MYZAP: variants seen among roughly 807,000 people sequenced by gnomAD.
The protein encoded by MYZAP is GRINL1A complex locus upstream.
In MYZAP, 66 loss-of-function variants were observed where a neutral mutation model predicts 69.4. The observed-to-expected ratio is 0.95, with a 90% CI of 0.78 to 1.17. The LOEUF is 1.17. Among genes scored for constraint, MYZAP ranks in the 50% most tolerant of loss-of-function variants. The pLI, the probability that MYZAP is intolerant of heterozygous loss-of-function variation, is 0.00. For missense variants in MYZAP, 611 were observed against 556.2 expected (o/e 1.10, Z -0.99); for synonymous variants, 256 against 205.9 (o/e 1.24, Z -2.09).
In MYZAP at chr15:57,634,864, G is replaced by T. The variant is rs567042918; in HGVS notation, c.933+1123G>T. Reference sequence around the variant, plus strand: ...ATTGGCTTAGTCAGGACTAACATTAGTATTGACCAGAGGGGGTGGTGGTGA... The same window carrying T: ...ATTGGCTTAGTCAGGACTAACATTATTATTGACCAGAGGGGGTGGTGGTGA... On this transcript the variant is annotated intron_variant, in intron 8 of 12. Transcript: ENST00000267853. 2.0e-5 allele frequency among the ~76,000 whole-genome samples: 3 copies of T among 152,332 alleles called. No homozygotes were observed. In the East Asian group the frequency reaches 5.8e-4, roughly 29 times the overall value.
chr15:57,624,828 C>G (rs770134402), intron 4 of MYZAP, among the ~76,000 whole-genome samples: 1 of 152,190 alleles, frequency 6.6e-6, no homozygotes, highest in Non-Finnish European at 1.5e-5. Flanking sequence ...CTGGGCCTGG[C>G]TTGCTGCTTC....
At chr15:57,655,870 T>A (rs1356323742) in intron 10 of MYZAP, among the ~76,000 whole-genome samples, 1 of 152,236 alleles carries the variant, frequency 6.6e-6, no homozygotes, top group East Asian at 1.9e-4. Context: ...CCTACTGTTT[T>A]GTATTTAAAT....
chr15:57,609,155 T>C (rs1310727428), intron 2 of MYZAP, among the ~76,000 whole-genome samples: 2 of 152,204 alleles, frequency 1.3e-5, no homozygotes, highest in Non-Finnish European at 2.9e-5. Flanking sequence ...GGTTGAGTCT[T>C]TTTATTCTCT....
intron 10 of MYZAP, among the ~76,000 whole-genome samples, chr15:57,642,785 A>ATAAAATAACAAATAG (rs1228125105): frequency 3.0e-4 from 46 of 152,298 alleles, no homozygotes; most frequent in African/African-American, 1.1e-3. Flanking sequence ...ATAATAAATA[A>ATAAAATAACAAATAG]TAAAAAGTAA....
chr15:57,641,582 G>C (rs1461749500), intron 10 of MYZAP, among the ~76,000 whole-genome samples: 1 of 152,116 alleles, frequency 6.6e-6, no homozygotes, highest in Non-Finnish European at 1.5e-5. Context: ...CTAAAATTTA[G>C]GATGCCATCA....
At chr15:57,598,014 G>C (rs2034172921) in intron 1 of MYZAP, among the ~76,000 whole-genome samples, 1 of 152,168 alleles carries the variant, frequency 6.6e-6, no homozygotes, top group Non-Finnish European at 1.5e-5. Context: ...AATGCACTTG[G>C]CTAATTTCCT....
chr15:57,625,533 A>G (rs1218552976), intron 4 of MYZAP, among the ~76,000 whole-genome samples: 1 of 152,206 alleles, frequency 6.6e-6, no homozygotes, highest in East Asian at 1.9e-4. Flanking sequence ...AAAGGACAAC[A>G]TTCTGACTCC....
intron 11 of MYZAP, among the ~76,000 whole-genome samples, chr15:57,673,517 T>TGTGTGTGA (rs2038975914): frequency 7.4e-6 from 1 of 135,388 alleles, no homozygotes; most frequent in African/African-American, 2.8e-5. Flanking sequence ...TGTGTGTGTG[T>TGTGTGTGA]GAATGCTGAT....
intron 1 of MYZAP, among the ~76,000 whole-genome samples, chr15:57,597,031 A>G (rs2034108099): frequency 6.6e-6 from 1 of 152,204 alleles, no homozygotes; most frequent in South Asian, 2.1e-4. Context: ...TAGAGGAGCC[A>G]CAGTTAACAT....
rs151130358 is a variant in MYZAP at position 57,604,992 on chromosome 15, C to G, written c.162+637C>G. ...AGCCCTATATGACGGAATCTGGGAA[C>G]ACAGAGAAGGGAATAACTGACTGCT... On this transcript the variant is annotated intron_variant, in intron 2 of 12. Transcript: ENST00000267853. 8.5e-5 allele frequency among the ~76,000 whole-genome samples: 13 copies of G among 152,294 alleles called. No homozygotes were observed. In the East Asian group the frequency reaches 2.5e-3, roughly 29 times the overall value.
At position 57,633,476 on chromosome 15, in the gene MYZAP, A is replaced by G. The variant is rs1056875778; in HGVS notation, c.805-137A>G. 9 of 1,278,256 alleles carry G rather than the reference A, an allele frequency of 7.0e-6. No homozygotes were observed. In the East Asian group the frequency reaches 2.1e-4, roughly 31 times the overall value. The allele number at this position is 1,278,256 out of a possible 1,614,324, so 79.2% of individuals were successfully genotyped here. A position where few individuals can be genotyped will look rare whatever the true frequency, so the allele number is the denominator to read the frequency against. On this transcript the variant is annotated intron_variant, in intron 7 of 12. Transcript: ENST00000267853. ...CCAGAACCGTGAGGTTGAGTTCATG[A>G]TCTGTGAGACACTTTCAGGTTCCAA...
chr15:57,640,270 A>T, intron 10 of MYZAP, among the ~76,000 whole-genome samples: 1 of 152,258 alleles, frequency 6.6e-6, no homozygotes, highest in East Asian at 1.9e-4. Context: ...CAAAGAAGAA[A>T]GTCCGTGCTC....
chr15:57,652,142 T>C lies in MYZAP; in HGVS notation c.1120-9308T>C, dbSNP rs577914107. 2.0e-5 allele frequency among the ~76,000 whole-genome samples: 3 copies of C among 152,312 alleles called. No homozygotes were observed. The South Asian group carries it at 6.2e-4, about 32-fold the overall frequency. ...TTTCCACAAACCCAATCAAGCATCA[T>C]GAAGATGAAAAATGTACCTTTTTCC... On this transcript the variant is annotated intron_variant, in intron 10 of 12. Coordinates refer to ENST00000267853, the MANE Select transcript of MYZAP (RefSeq NM_001018100.5).
chr15:57,625,645 T>C (rs2036086081), intron 4 of MYZAP, 134 bp from the exon 5 acceptor site: 1 of 795,504 alleles, frequency 1.3e-6, no homozygotes, highest in African/African-American at 1.7e-5. Context: ...GATGTTGACT[T>C]TTAATTTAAA....
chr15:57,672,038 C>A (rs1025638014), intron 11 of MYZAP, among the ~76,000 whole-genome samples: 20 of 152,310 alleles, frequency 1.3e-4, no homozygotes, highest in African/African-American at 4.8e-4. Context: ...GTCTGTGATG[C>A]TGATGGCAGA....
In MYZAP at chr15:57,684,418, C is replaced by T. The variant is rs766760376; in HGVS notation, c.1321C>T (p.Arg441Cys). 9 of 1,612,632 alleles carry T rather than the reference C, an allele frequency of 5.6e-6. No homozygotes were observed. Among genetic ancestry groups the T allele is most frequent in the South Asian group, 3.3e-5 (3 of 90,860 alleles). ...ATTTCTCAGCCAAACAGGCAGGACT[C>T]GTGAAATTGTGATGCCTTCTAGGAA... ...DLLPSQTGRT[R>C]EIVMPSRNYT... Residue 441 changes from arginine to cysteine, a missense_variant, in exon 13 of 13, where the codon CGT becomes TGT. By Grantham distance (180) the Arg-to-Cys change is radical. Coordinates refer to ENST00000267853, the MANE Select transcript of MYZAP (RefSeq NM_001018100.5).
intron 10 of MYZAP, among the ~76,000 whole-genome samples, chr15:57,651,852 C>T (rs1244924727): frequency 6.6e-6 from 1 of 152,174 alleles, no homozygotes; most frequent in Non-Finnish European, 1.5e-5. Flanking sequence ...GACATTTGTA[C>T]AGCCAAGTCA....
chr15:57,681,166 A>T (rs1247466949), intron 12 of MYZAP, among the ~76,000 whole-genome samples: 2 of 152,144 alleles, frequency 1.3e-5, no homozygotes, highest in Admixed American at 6.5e-5. Flanking sequence ...TGTTTCTGTT[A>T]TGCAGAATTT....
At chr15:57,679,533 C>T (rs936572317) in intron 12 of MYZAP, among the ~76,000 whole-genome samples, 6 of 152,112 alleles carry the variant, frequency 3.9e-5, no homozygotes, top group African/African-American at 1.4e-4. Context: ...AGCCATCTCC[C>T]TGTAGCATTT....
Sources: allele counts gnomAD v4.1 joint callset (sites outside exome capture counted in the v4.1 genomes callset), GRCh38; gene constraint gnomAD v4.1.1; transcripts MANE v1.5; gene names NCBI Gene and HGNC (gene_info 2026-07-23, HGNC 2026-07-21).